Variants in CAST observed in about 807,000 individuals in gnomAD.
CAST encodes calpastatin, also known as MIR583 host.
CAST carries 76 observed loss-of-function variants against 119.6 expected under a neutral mutation model. The observed-to-expected ratio is 0.64, with a 90% CI of 0.53 to 0.77. The LOEUF (loss-of-function observed/expected upper bound fraction) is 0.77, where lower values mean the gene tolerates loss of function less well. Among genes scored for constraint, CAST ranks in the 30% least tolerant of loss-of-function variants. The probability of loss-of-function intolerance (pLI) is 0.00; values close to 1 mark genes in which losing one functional copy is unlikely to be tolerated. For missense variants in CAST, 953 were observed against 946.5 expected, an observed-to-expected ratio of 1.01 and a Z score of -0.09; for synonymous variants, 319 against 331.6, an observed-to-expected ratio of 0.96 and a Z score of 0.41.
At chr5:96,279,175 A>G in the CAST span, among the ~76,000 whole-genome samples, 2 of 152,180 alleles carry the variant, frequency 1.3e-5, no homozygotes, top group African/African-American at 4.8e-5. Flanking sequence ...AAGAAATCAC[A>G]CACTCTGCTC....
At chr5:96,139,556 ATG>A in the CAST span, among the ~76,000 whole-genome samples, 1 of 147,152 alleles carries the variant, frequency 6.8e-6, no homozygotes, top group East Asian at 2.0e-4. Context: ...ATGTATATAT[ATG>A]TGTGTGTGTG....
chr5:96,509,071 A>G, the CAST span, among the ~76,000 whole-genome samples: 2 of 152,236 alleles, frequency 1.3e-5, no homozygotes, highest in Non-Finnish European at 2.9e-5. Context: ...GTGTAAAATT[A>G]TCTTTCAAAG....
the CAST span, among the ~76,000 whole-genome samples, chr5:96,224,560 G>A: frequency 6.6e-5 from 10 of 152,222 alleles, no homozygotes; most frequent in East Asian, 1.9e-3. Flanking sequence ...TGGGACTGAT[G>A]AAGCCACCAG....
At chr5:95,961,673 G>A in the CAST span, 5 of 1,607,880 alleles carry the variant, frequency 3.1e-6, no homozygotes, top group Admixed American at 1.7e-5. Context: ...CCGCACGACA[G>A]CCCATAGCGC....
At chr5:96,338,999 G>A in the CAST span, among the ~76,000 whole-genome samples, 2 of 152,164 alleles carry the variant, frequency 1.3e-5, no homozygotes, top group Admixed American at 1.3e-4. Flanking sequence ...AACAGCAACA[G>A]AACTTGGATT....
chr5:96,428,849 G>A, the CAST span, among the ~76,000 whole-genome samples: 3 of 152,164 alleles, frequency 2.0e-5, no homozygotes, highest in Non-Finnish European at 2.9e-5. Context: ...AAAGGTTGTT[G>A]ATTGACTGTA....
At chr5:96,139,137 A>C in the CAST span, among the ~76,000 whole-genome samples, 2 of 152,028 alleles carry the variant, frequency 1.3e-5, no homozygotes, top group African/African-American at 4.8e-5. Flanking sequence ...TTTTGCAAAT[A>C]TCATTCCCAT....
the CAST span, among the ~76,000 whole-genome samples, chr5:96,351,928 C>T: frequency 1.7e-4 from 26 of 152,188 alleles, 1 homozygote; most frequent in South Asian, 4.1e-3. Context: ...GTTAACTAAC[C>T]GAAATGCCTT....
At chr5:96,082,677 T>C in the CAST span, among the ~76,000 whole-genome samples, 91,164 of 152,014 alleles carry the variant, frequency 0.6, 27,559 homozygotes, top group Non-Finnish European at 0.63. Context: ...AAGTACCTAG[T>C]ACAGTATGAT....
the CAST span, among the ~76,000 whole-genome samples, chr5:96,471,384 T>A: frequency 6.6e-6 from 1 of 152,162 alleles, no homozygotes; most frequent in East Asian, 1.9e-4. Context: ...AATTGCAATT[T>A]AAAAAATTAA....
chr5:96,520,062 C>A, the CAST span, among the ~76,000 whole-genome samples: 1 of 152,214 alleles, frequency 6.6e-6, no homozygotes, highest in African/African-American at 2.4e-5. Context: ...CTCAACAAAG[C>A]ACCCTGATGT....
intron 1 of CAST, among the ~76,000 whole-genome samples, chr5:96,599,692 C>T (rs532811301): frequency 1.6e-4 from 24 of 151,974 alleles, no homozygotes; most frequent in Non-Finnish European, 3.1e-4. Flanking sequence ...GGAAATCCAC[C>T]CCCCTCCATA....
At chr5:96,377,418 G>A in the CAST span, among the ~76,000 whole-genome samples, 1 of 152,032 alleles carries the variant, frequency 6.6e-6, no homozygotes, top group East Asian at 1.9e-4. Context: ...ATATACAGGC[G>A]AATCATTTTT....
At chr5:95,989,609 GAACA>G in the CAST span, among the ~76,000 whole-genome samples, 1 of 152,112 alleles carries the variant, frequency 6.6e-6, no homozygotes, top group Non-Finnish European at 1.5e-5. Flanking sequence ...CTTTTGATAA[GAACA>G]CTCTATTAAC....
chr5:96,655,825 G>T (rs1748150911), intron 1 of CAST, among the ~76,000 whole-genome samples: 1 of 152,188 alleles, frequency 6.6e-6, no homozygotes, highest in Non-Finnish European at 1.5e-5. Flanking sequence ...ATTCTCAAGA[G>T]CCTATTTGTG....
chr5:95,969,759 T>C, the CAST span, among the ~76,000 whole-genome samples: 1 of 152,104 alleles, frequency 6.6e-6, no homozygotes, highest in Non-Finnish European at 1.5e-5. Flanking sequence ...AACAAGGGAA[T>C]CAGGAGAAAG....
chr5:95,979,178 TA>T, the CAST span, among the ~76,000 whole-genome samples: 1 of 152,048 alleles, frequency 6.6e-6, no homozygotes, highest in Non-Finnish European at 1.5e-5. Context: ...AAAAGAAAAC[TA>T]AAATCACCTA....
At chr5:96,587,653 A>C (rs1228155408) in intron 1 of CAST, among the ~76,000 whole-genome samples, 4 of 152,174 alleles carry the variant, frequency 2.6e-5, no homozygotes, top group Non-Finnish European at 4.4e-5. Context: ...AAAATGGTGA[A>C]GCTATTGCCA....
At chr5:96,408,617 A>G in the CAST span, among the ~76,000 whole-genome samples, 2 of 152,234 alleles carry the variant, frequency 1.3e-5, no homozygotes, top group African/African-American at 2.4e-5. Context: ...AATGCTGTCT[A>G]TAAAAAACAA....
Sources: allele counts gnomAD v4.1 joint callset (sites outside exome capture counted in the v4.1 genomes callset), GRCh38; gene constraint gnomAD v4.1.1; transcripts MANE v1.5; gene names NCBI Gene and HGNC (gene_info 2026-07-23, HGNC 2026-07-21).